The following WDR27 variants were observed in gnomAD, a reference collection of about 807,000 sequenced individuals.
WDR27 encodes WD repeat domain 27.
WDR27 carries 100 observed loss-of-function variants against 114.4 expected under a neutral mutation model. The ratio of observed to expected loss-of-function variants is 0.87; its 90% CI spans 0.74 to 1.03. WDR27 has a LOEUF of 1.03. WDR27 is among the 50% of genes least tolerant of loss of function. The probability of loss-of-function intolerance (pLI) is 0.00; values close to 1 mark genes in which losing one functional copy is unlikely to be tolerated. For missense variants in WDR27, 1,129 were observed against 1,092.9 expected, an observed-to-expected ratio of 1.03 and a Z score of -0.47; for synonymous variants, 449 against 423.1, an observed-to-expected ratio of 1.06 and a Z score of -0.75.
chr6:169,566,462 C>A (rs1360199612), intron 25 of WDR27, among the ~76,000 whole-genome samples: 1 of 152,238 alleles, frequency 6.6e-6, no homozygotes, highest in Non-Finnish European at 1.5e-5. Flanking sequence ...GACTCTCAAA[C>A]CACGTCACGG....
intron 1 of WDR27, among the ~76,000 whole-genome samples, chr6:169,698,317 C>T (rs1786813672): frequency 6.6e-6 from 1 of 151,894 alleles, no homozygotes; most frequent in Non-Finnish European, 1.5e-5. Context: ...TAATGCCTAC[C>T]TCTCCTGCCT....
At chr6:169,448,353 T>C in the WDR27 span, among the ~76,000 whole-genome samples, 1 of 151,404 alleles carries the variant, frequency 6.6e-6, no homozygotes, top group Non-Finnish European at 1.5e-5. Flanking sequence ...TGTTGTTGAT[T>C]TTCTCTCTCT....
At chr6:169,649,156 G>C (rs1461517844) in intron 15 of WDR27, 42 bp downstream of exon 15, 1 of 1,514,054 alleles carries the variant, frequency 6.6e-7, no homozygotes, top group Non-Finnish European at 9.0e-7. Flanking sequence ...GAAAGGTCTA[G>C]GTTATTTCAA....
At chr6:169,527,989 G>A (rs940364516) in intron 25 of WDR27, among the ~76,000 whole-genome samples, 48 of 152,046 alleles carry the variant, frequency 3.2e-4, no homozygotes, top group Admixed American at 3.1e-3. Context: ...TAATAAGGAA[G>A]AAATGATTCC....
intron 25 of WDR27, among the ~76,000 whole-genome samples, chr6:169,505,986 C>T (rs187641264): frequency 4.6e-5 from 7 of 152,340 alleles, no homozygotes; most frequent in African/African-American, 2.4e-5. Flanking sequence ...ACACATATAC[C>T]ACCTAAACCC....
intron 23 of WDR27, among the ~76,000 whole-genome samples, chr6:169,587,764 A>C (rs1246326354): frequency 6.6e-6 from 1 of 152,248 alleles, no homozygotes; most frequent in Non-Finnish European, 1.5e-5. Context: ...AATGAGATTA[A>C]AAAGGATTTA....
chr6:169,594,257 T>C (rs1236398601), intron 23 of WDR27, among the ~76,000 whole-genome samples: 2 of 152,218 alleles, frequency 1.3e-5, no homozygotes, highest in Non-Finnish European at 2.9e-5. Context: ...GTTTTTAAAT[T>C]TGTACTTTGA....
intron 25 of WDR27, among the ~76,000 whole-genome samples, chr6:169,511,357 T>C (rs1029322427): frequency 2.0e-5 from 3 of 152,216 alleles, no homozygotes; most frequent in Non-Finnish European, 2.9e-5. Flanking sequence ...CAGTACCTAT[T>C]TGTGTGAAGA....
At chr6:169,650,364 CCCCT>C (rs1359008863) in intron 14 of WDR27, among the ~76,000 whole-genome samples, 1 of 147,610 alleles carries the variant, frequency 6.8e-6, no homozygotes, top group Non-Finnish European at 1.5e-5. Flanking sequence ...ATCCCTCCAT[CCCCT>C]CCATCTGTCC....
chr6:169,610,693 T>C (rs1265584820), intron 22 of WDR27, among the ~76,000 whole-genome samples: 1 of 152,142 alleles, frequency 6.6e-6, no homozygotes, highest in Non-Finnish European at 1.5e-5. Context: ...ATAGACACCA[T>C]GAAATACTAC....
chr6:169,498,467 T>TA (rs1479194014), intron 25 of WDR27, among the ~76,000 whole-genome samples: 2 of 151,868 alleles, frequency 1.3e-5, no homozygotes, highest in Non-Finnish European at 2.9e-5. Context: ...TTTACCATAA[T>TA]AAAAAAATGG....
the WDR27 span, among the ~76,000 whole-genome samples, chr6:169,447,852 T>C: frequency 6.6e-6 from 1 of 152,228 alleles, no homozygotes; most frequent in Admixed American, 6.5e-5. Flanking sequence ...ATAATTCATC[T>C]GCAATAAAAA....
At chr6:169,451,110 C>T in the WDR27 span, among the ~76,000 whole-genome samples, 2,752 of 152,272 alleles carry the variant, frequency 0.018, 81 homozygotes, top group African/African-American at 0.063. Context: ...ATCATCCCTC[C>T]GCTCACATGA....
chr6:169,475,638 C>G (rs1787041927), intron 25 of WDR27, among the ~76,000 whole-genome samples: 2 of 151,998 alleles, frequency 1.3e-5, no homozygotes, highest in African/African-American at 2.4e-5. Context: ...AACATTGTAC[C>G]AAATAACCCA....
At chr6:169,601,229 G>A (rs1439720951) in intron 23 of WDR27, among the ~76,000 whole-genome samples, 1 of 152,152 alleles carries the variant, frequency 6.6e-6, no homozygotes, top group Non-Finnish European at 1.5e-5. Context: ...GTAAGTGAAG[G>A]AGAAATAAAA....
chr6:169,544,717 G>T (rs1797242115), intron 25 of WDR27, among the ~76,000 whole-genome samples: 1 of 152,180 alleles, frequency 6.6e-6, no homozygotes, highest in Non-Finnish European at 1.5e-5. Flanking sequence ...TTACAGGTGT[G>T]AGCCACTGCA....
intron 23 of WDR27, among the ~76,000 whole-genome samples, chr6:169,598,204 T>C (rs903585442): frequency 6.6e-6 from 1 of 152,360 alleles, no homozygotes; most frequent in Admixed American, 6.5e-5. Context: ...TGAGATCAGC[T>C]TGGATTTAGG....
At chr6:169,508,327 G>A (rs1792280241) in intron 25 of WDR27, among the ~76,000 whole-genome samples, 2 of 152,242 alleles carry the variant, frequency 1.3e-5, no homozygotes, top group South Asian at 4.1e-4. Context: ...AATGAGGAAA[G>A]CCATACACCA....
intron 1 of WDR27, among the ~76,000 whole-genome samples, chr6:169,695,058 T>A (rs1342867651): frequency 1.3e-5 from 2 of 152,134 alleles, no homozygotes; most frequent in African/African-American, 4.8e-5. Flanking sequence ...CCAAACAGGA[T>A]GTGGATGCTA....
Sources: allele counts gnomAD v4.1 joint callset (sites outside exome capture counted in the v4.1 genomes callset), GRCh38; gene constraint gnomAD v4.1.1; transcripts MANE v1.5; gene names NCBI Gene and HGNC (gene_info 2026-07-23, HGNC 2026-07-21).